RAC1: variants seen among roughly 807,000 people sequenced by gnomAD.
RAC1 encodes ras-related C3 botulinum toxin substrate 1.
Under a neutral mutation model 25.2 loss-of-function variants are expected in RAC1, and 2 were observed. The ratio of observed to expected loss-of-function variants is 0.08; its 90% CI spans 0.03 to 0.25. The LOEUF is 0.25. RAC1 is among the 10% of genes least tolerant of loss of function. The probability of loss-of-function intolerance (pLI) is 1.00; values close to 1 mark genes in which losing one functional copy is unlikely to be tolerated. For missense variants in RAC1, 50 were observed against 235.7 expected (o/e 0.21, Z 5.16); for synonymous variants, 88 against 94.0 (o/e 0.94, Z 0.37).
chr7:6,393,134 G>T (rs1425711095), intron 3 of RAC1, among the ~76,000 whole-genome samples: 1 of 152,164 alleles, frequency 6.6e-6, no homozygotes, highest in Non-Finnish European at 1.5e-5. Context: ...AGAAAGGCTG[G>T]CTTTGAGCCC....
At chr7:6,382,310 C>T (rs1173502422) in intron 1 of RAC1, among the ~76,000 whole-genome samples, 1 of 152,172 alleles carries the variant, frequency 6.6e-6, no homozygotes, top group Non-Finnish European at 1.5e-5. Flanking sequence ...CACTTTTAGA[C>T]AGCAATATAT....
At chr7:6,389,602 C>A (rs1002901295) in intron 2 of RAC1, among the ~76,000 whole-genome samples, 6 of 152,016 alleles carry the variant, frequency 3.9e-5, no homozygotes, top group African/African-American at 1.4e-4. Flanking sequence ...ATTGCTTGAA[C>A]CTGGGAGGTG....
intron 1 of RAC1, among the ~76,000 whole-genome samples, chr7:6,385,951 C>A (rs1357692810): frequency 6.6e-6 from 1 of 152,128 alleles, no homozygotes; most frequent in African/African-American, 2.4e-5. Flanking sequence ...CTTGCCTTGT[C>A]AATGCTGTAA....
intron 3 of RAC1, among the ~76,000 whole-genome samples, chr7:6,395,240 A>C (rs1224078536): frequency 2.6e-5 from 4 of 152,192 alleles, no homozygotes; most frequent in African/African-American, 9.6e-5. Flanking sequence ...TGCTGGGATT[A>C]CAGGCGTGAG....
chr7:6,397,082 T>C (rs1374974795), intron 3 of RAC1, among the ~76,000 whole-genome samples: 2 of 106,358 alleles, frequency 1.9e-5, no homozygotes, highest in African/African-American at 7.1e-5. Context: ...CTACTAAAAA[T>C]ACAAAAAATT....
intron 1 of RAC1, among the ~76,000 whole-genome samples, chr7:6,384,829 G>T (rs1456277485): frequency 1.3e-5 from 2 of 151,940 alleles, no homozygotes; most frequent in Non-Finnish European, 2.9e-5. Context: ...TTGAGACAGG[G>T]TCTCACTTTG....
chr7:6,384,178 C>T (rs1377516735), intron 1 of RAC1, among the ~76,000 whole-genome samples: 1 of 152,030 alleles, frequency 6.6e-6, no homozygotes, highest in Non-Finnish European at 1.5e-5. Context: ...CATGGGTAAG[C>T]GATGCTTGAT....
chr7:6,378,567 C>G (rs35551995), intron 1 of RAC1, among the ~76,000 whole-genome samples: 5,425 of 151,958 alleles, frequency 0.036, 129 homozygotes, highest in South Asian at 0.099. Flanking sequence ...GAAAAAAAGT[C>G]AGAAATAATT....
chr7:6,394,117 C>T (rs1203938980), intron 3 of RAC1, among the ~76,000 whole-genome samples: 3 of 152,108 alleles, frequency 2.0e-5, no homozygotes, highest in African/African-American at 7.2e-5. Context: ...TAGACACTCT[C>T]CTGAAGGACC....
chr7:6,382,211 T>G (rs1056603749), intron 1 of RAC1, among the ~76,000 whole-genome samples: 1 of 152,170 alleles, frequency 6.6e-6, no homozygotes, highest in Non-Finnish European at 1.5e-5. Context: ...GTCAGTCTGG[T>G]CTCGAACTCC....
intron 1 of RAC1, among the ~76,000 whole-genome samples, chr7:6,385,497 C>CT (rs1324592636): frequency 6.6e-6 from 1 of 152,182 alleles, no homozygotes; most frequent in Non-Finnish European, 1.5e-5. Flanking sequence ...GCTTAGGCTC[C>CT]TGCTCATACA....
At chr7:6,383,037 T>C (rs1456289048) in intron 1 of RAC1, among the ~76,000 whole-genome samples, 1 of 152,256 alleles carries the variant, frequency 6.6e-6, no homozygotes, top group African/African-American at 2.4e-5. Context: ...GCATGAACTT[T>C]CTTCCAGCCG....
chr7:6,403,338 C>G lies in RAC1; in HGVS notation c.*892C>G, dbSNP rs1365500799. The G allele has an allele frequency of 4.8e-6, 1 of 208,990 alleles. No individual in the cohort carries two copies. The highest frequency in any genetic ancestry group is 9.7e-6 in the Non-Finnish European group (1 of 102,648). 12.9% of individuals were successfully genotyped at this position (208,990 alleles called of 1,614,324 possible). A position where few individuals can be genotyped will look rare whatever the true frequency, so the allele number is the denominator to read the frequency against. ...TTTCCTTTCTCTTACACCTGCCATG[C>G]CTCCCCAAATTGGGCATTTAATTCA... On this transcript the variant is annotated 3_prime_UTR_variant, in exon 6 of 6. Transcript: ENST00000348035.
At chr7:6,386,253 T>C (rs372294834) in intron 1 of RAC1, among the ~76,000 whole-genome samples, 24 of 152,276 alleles carry the variant, frequency 1.6e-4, no homozygotes, top group African/African-American at 4.3e-4. Flanking sequence ...TATAGACTTA[T>C]GGTGCTGTGT....
intron 4 of RAC1, among the ~76,000 whole-genome samples, chr7:6,400,832 C>T (rs1320883343): frequency 2.0e-5 from 3 of 152,020 alleles, no homozygotes; most frequent in Non-Finnish European, 2.9e-5. Flanking sequence ...TGCACCACCA[C>T]GCCCGGCTAA....
intron 2 of RAC1, among the ~76,000 whole-genome samples, chr7:6,389,537 G>C (rs1235548532): frequency 6.6e-6 from 1 of 151,998 alleles, no homozygotes; most frequent in East Asian, 1.9e-4. Context: ...AAAATTAGCT[G>C]GGCATGGTGG....
At chr7:6,393,065 C>T (rs1356809328) in intron 3 of RAC1, among the ~76,000 whole-genome samples, 1 of 152,106 alleles carries the variant, frequency 6.6e-6, no homozygotes, top group African/African-American at 2.4e-5. Flanking sequence ...GCTCAGCACA[C>T]CTGGGTTGGC....
At chr7:6,402,243 G>T in intron 5 of RAC1, 73 bp from the exon 6 acceptor site, 2 of 1,528,822 alleles carry the variant, frequency 1.3e-6, no homozygotes, top group Non-Finnish European at 1.8e-6. Flanking sequence ...CCCAGGAGCT[G>T]CCTCCCGCTG....
chr7:6,394,667 C>T (rs1783180340), intron 3 of RAC1, among the ~76,000 whole-genome samples: 1 of 150,280 alleles, frequency 6.7e-6, no homozygotes, highest in African/African-American at 2.4e-5. Flanking sequence ...TCTCTCTAGG[C>T]TAAAAGTTGT....
Sources: allele counts gnomAD v4.1 joint callset (sites outside exome capture counted in the v4.1 genomes callset), GRCh38; gene constraint gnomAD v4.1.1; transcripts MANE v1.5; gene names NCBI Gene and HGNC (gene_info 2026-07-23, HGNC 2026-07-21).